TRMT44: variants seen among roughly 807,000 people sequenced by gnomAD.
The protein encoded by TRMT44 is probable tRNA (uracil-O(2)-)-methyltransferase.
Under a neutral mutation model 77.3 loss-of-function variants are expected in TRMT44, and 78 were observed. The observed-to-expected ratio is 1.01, with a 90% CI of 0.84 to 1.22. The LOEUF is 1.22. Among genes scored for constraint, TRMT44 ranks in the 50% most tolerant of loss-of-function variants. The pLI is 0.00. For synonymous variants in TRMT44, 391 were observed against 383.3 expected, an observed-to-expected ratio of 1.02 and a Z score of -0.23; for missense variants, 1,090 against 964.4, an observed-to-expected ratio of 1.13 and a Z score of -1.73.
intron 2 of TRMT44, among the ~76,000 whole-genome samples, chr4:8,489,253 T>A (rs1427154710): frequency 6.6e-6 from 1 of 152,220 alleles, no homozygotes; most frequent in Non-Finnish European, 1.5e-5. Flanking sequence ...GCAAGGCTGG[T>A]GTCCTGTCCT....
chr4:8,482,921 A>T (rs1173576975), intron 2 of TRMT44, among the ~76,000 whole-genome samples: 1 of 150,336 alleles, frequency 6.7e-6, no homozygotes, highest in South Asian at 2.1e-4. Flanking sequence ...GGGGGGTGGT[A>T]TGGAGAGATA....
intron 1 of TRMT44, among the ~76,000 whole-genome samples, 194 bp downstream of exon 1, chr4:8,441,635 G>A (rs1221705763): frequency 1.3e-5 from 2 of 152,192 alleles, no homozygotes; most frequent in Non-Finnish European, 2.9e-5. Context: ...ATTGATTGGG[G>A]TGGTGTCTGG....
At chr4:8,488,701 G>A (rs1197024939) in intron 2 of TRMT44, among the ~76,000 whole-genome samples, 2 of 152,220 alleles carry the variant, frequency 1.3e-5, no homozygotes, top group African/African-American at 2.4e-5. Flanking sequence ...TGGGCTCAGA[G>A]GCCTGACAAC....
In TRMT44 at chr4:8,451,904, G is replaced by T; in HGVS notation, c.955-56G>T. The stretch of plus-strand genomic sequence containing the variant: ...GCTTTATAGGGATACTTAAAGTATT[G>T]GGAAATGGTGGTGGGGAAACCGAAC... On this transcript the variant is annotated intron_variant, in intron 3 of 10. Transcript: ENST00000389737. This position sits in a 1 kb window ranked among gnomAD's most constrained non-coding sequence, Gnocchi z 4.1. 6.9e-7 allele frequency: 1 copy of T among 1,446,516 alleles called. No individual in the cohort carries two copies. 89.6% of individuals were successfully genotyped at this position (1,446,516 alleles called of 1,614,324 possible).
At chr4:8,500,388 A>T in the TRMT44 span, among the ~76,000 whole-genome samples, 1 of 148,974 alleles carries the variant, frequency 6.7e-6, no homozygotes, top group Admixed American at 6.7e-5. Context: ...GCTACTCAGG[A>T]GGCTGAGGCA....
chr4:8,469,053 C>T (rs552278646), intron 9 of TRMT44, among the ~76,000 whole-genome samples: 3 of 152,280 alleles, frequency 2.0e-5, no homozygotes, highest in South Asian at 2.1e-4. Context: ...TGCCTGGCTG[C>T]GCATTTGAGG....
the TRMT44 span, among the ~76,000 whole-genome samples, chr4:8,499,814 T>C: frequency 6.6e-6 from 1 of 152,096 alleles, no homozygotes; most frequent in African/African-American, 2.4e-5. Context: ...AACTGTCAGA[T>C]GCTACACTGA....
chr4:8,476,408 G>A lies in TRMT44; in HGVS notation c.*407G>A, dbSNP rs753141497. ...ATGGGGCTCCTCGAGAAGTAAGACC[G>A]TATCTGCCAGCGTTTCTCACCACAC... is the stretch of plus-strand genomic sequence containing the variant. On this transcript the variant is annotated 3_prime_UTR_variant, in exon 11 of 11. Coordinates refer to ENST00000389737, the MANE Select transcript of TRMT44 (RefSeq NM_152544.3). The A allele has an allele frequency of 1.6e-4, 32 of 198,156 alleles. No individual in the cohort carries two copies. The highest frequency in any genetic ancestry group is 3.2e-4 in the Admixed American group (6 of 19,014). The allele number at this position is 198,156 out of a possible 1,614,324, so 12.3% of individuals were successfully genotyped here.
At chr4:8,465,355 G>C (rs1315221999) in intron 7 of TRMT44, 23 bp from the exon 8 acceptor site, 2 of 1,597,386 alleles carry the variant, frequency 1.3e-6, no homozygotes, top group Non-Finnish European at 1.7e-6. Context: ...GCTTGACCCT[G>C]TGGTTGTTGG....
chr4:8,511,126 G>A, the TRMT44 span: 2 of 152,270 alleles, frequency 1.3e-5, no homozygotes, highest in Non-Finnish European at 2.9e-5. Context: ...ACCCCAGGCA[G>A]CCTCGTGGCA....
chr4:8,449,949 C>CTTTTTTTTTTTTTTCTTT, intron 3 of TRMT44, 61 bp downstream of exon 3: 1 of 238,688 alleles, frequency 4.2e-6, no homozygotes, highest in Non-Finnish European at 6.1e-6. Context: ...CTTTTCTTTT[C>CTTTTTTTTTTTTTTCTTT]TTTTTTTTTT....
the TRMT44 span, chr4:8,509,372 C>T: frequency 6.5e-6 from 1 of 152,688 alleles, no homozygotes; most frequent in African/African-American, 2.4e-5. Context: ...TGCGGGCAGC[C>T]CTGTGTGAAG....
chr4:8,470,921 T>TGGTGC (rs1465139432), intron 9 of TRMT44, 163 bp from the exon 10 acceptor site: 14 of 561,112 alleles, frequency 2.5e-5, no homozygotes, highest in Middle Eastern at 5.1e-4. Flanking sequence ...CCTCACGGTT[T>TGGTGC]GGTGCGGTGT....
In TRMT44 at chr4:8,459,107, T is replaced by C. The variant is rs563716197; in HGVS notation, c.1203+4294T>C. Among the ~76,000 whole-genome samples the C allele has an allele frequency of 2.7e-5, 4 of 150,252 alleles. No homozygotes were observed. The East Asian group carries it at 5.9e-4, about 22-fold the overall frequency. ...GTCCCAGCTACGCGGGAGGCTGAGGTTGGGGGATCACCTGAGTTTGGGAGG... is the reference window on the plus strand; with the variant it reads ...GTCCCAGCTACGCGGGAGGCTGAGGCTGGGGGATCACCTGAGTTTGGGAGG... On this transcript the variant is annotated intron_variant, in intron 6 of 10. Transcript: ENST00000389737.
chr4:8,494,313 A>T (rs1025169797), downstream of TRMT44, among the ~76,000 whole-genome samples: 3 of 152,156 alleles, frequency 2.0e-5, no homozygotes, highest in African/African-American at 7.2e-5. Flanking sequence ...TTTCACCCTC[A>T]CAATGTAAAT....
In TRMT44 at chr4:8,450,443, GA is replaced by G. The variant is rs113458147; in HGVS notation, c.954+565del. Reference sequence around the variant, plus strand: ...TTTAATTGAAAAGTAATGGAACCTTGAAAAAAAAAATGGCTAAATTACCATA... The same window carrying G: ...TTTAATTGAAAAGTAATGGAACCTTGAAAAAAAAATGGCTAAATTACCATA... On this transcript the variant is annotated intron_variant, in intron 3 of 10. Coordinates refer to ENST00000389737, the MANE Select transcript of TRMT44 (RefSeq NM_152544.3). Among the ~76,000 whole-genome samples, 921 of 147,406 alleles carry G rather than the reference GA, an allele frequency of 6.2e-3. 8 individuals carry two copies. The highest frequency in any genetic ancestry group is 0.037 in the South Asian group (172 of 4,640).
chr4:8,471,253 T>C (rs1354457830), intron 10 of TRMT44, 53 bp downstream of exon 10: 1 of 1,255,546 alleles, frequency 8.0e-7, no homozygotes, highest in Admixed American at 2.2e-5. Flanking sequence ...CCCCCTTTTT[T>C]CAGTTAAATA....
chr4:8,494,908 G>A (rs961022006), downstream of TRMT44, among the ~76,000 whole-genome samples: 1 of 152,120 alleles, frequency 6.6e-6, no homozygotes, highest in African/African-American at 2.4e-5. Context: ...TGGTGATTGT[G>A]TTCTGGGAGC....
At chr4:8,515,550 A>T in the TRMT44 span, among the ~76,000 whole-genome samples, 1 of 152,170 alleles carries the variant, frequency 6.6e-6, no homozygotes, top group African/African-American at 2.4e-5. Flanking sequence ...GGGCTGTGGG[A>T]GCCCAGAGGA....
Sources: allele counts gnomAD v4.1 joint callset (sites outside exome capture counted in the v4.1 genomes callset), GRCh38; gene constraint gnomAD v4.1.1; non-coding constraint Gnocchi (gnomAD v3.1); transcripts MANE v1.5; gene names NCBI Gene and HGNC (gene_info 2026-07-23, HGNC 2026-07-21).